The following DCAF16 variants were observed in gnomAD, a reference collection of about 807,000 sequenced individuals.
DCAF16 encodes DDB1- and CUL4-associated factor 16.
A neutral mutation model predicts 17.3 loss-of-function variants in DCAF16; 10 were observed. That is an observed-to-expected ratio of 0.58 (90% confidence interval 0.36 to 0.98). The LOEUF is 0.98. Ranked by LOEUF, DCAF16 falls within the 50% of genes least tolerant of loss-of-function variation. DCAF16 has a pLI of 0.01. For synonymous variants in DCAF16, 111 were observed against 92.8 expected (o/e 1.20, Z -1.12); for missense variants, 249 against 247.6 (o/e 1.01, Z -0.04).
chr4:17,809,081 G>T (rs1208435132), intron 1 of DCAF16, among the ~76,000 whole-genome samples: 2 of 152,032 alleles, frequency 1.3e-5, no homozygotes, highest in African/African-American at 2.4e-5. Context: ...AAAATTATGG[G>T]CAACACAAAT....
Position 17,804,532 on chromosome 4 carries a change from G to A in DCAF16, c.-391C>T, listed in dbSNP as rs960218783. The A allele has an allele frequency of 5.0e-6, 1 of 200,120 alleles. No homozygotes were observed. The highest frequency in any genetic ancestry group is 1.4e-4 in the East Asian group (1 of 6,940). 12.4% of individuals were successfully genotyped at this position (200,120 alleles called of 1,614,324 possible). On this transcript the variant is annotated 5_prime_UTR_variant, in exon 3 of 3. Transcript: ENST00000382247. ...GTGATACTGTGAAGAGACACTTTTT[G>A]TGCTGTTTTGCTGGCAGTGATATTA...
In DCAF16 at chr4:17,802,718, A is replaced by G. The variant is rs541014618; in HGVS notation, c.*773T>C. The G allele has an allele frequency of 4.7e-4, 72 of 152,256 alleles. No individual in the cohort carries two copies. Among genetic ancestry groups the G allele is most frequent in the African/African-American group, 1.7e-3 (70 of 41,558 alleles). The allele number at this position is 152,256 out of a possible 1,614,324, so 9.4% of individuals were successfully genotyped here. On this transcript the variant is annotated 3_prime_UTR_variant, in exon 3 of 3. Transcript: ENST00000382247. ...GGCACATCTATATAAAAGCTGGGAA[A>G]GAAATTCATAGCCCTGCCATTTTCC...
intron 1 of DCAF16, among the ~76,000 whole-genome samples, chr4:17,808,595 C>T (rs1720537757): frequency 6.6e-6 from 1 of 150,852 alleles, no homozygotes. Context: ...ATGGCTTTAA[C>T]CATTAAAACA....
At chr4:17,800,282 T>G (rs1318284386), downstream of DCAF16, among the ~76,000 whole-genome samples, 3 of 152,200 alleles carry the variant, frequency 2.0e-5, no homozygotes, top group Admixed American at 6.5e-5. Context: ...TCTTTTTATC[T>G]TAATTATGGT....
chr4:17,795,586 G>A, the DCAF16 span, among the ~76,000 whole-genome samples: 1 of 151,970 alleles, frequency 6.6e-6, no homozygotes, highest in East Asian at 1.9e-4. Flanking sequence ...ATTTCTTCAA[G>A]TTATTTTCTA....
downstream of DCAF16, among the ~76,000 whole-genome samples, chr4:17,796,551 C>G (rs969869311): frequency 6.6e-6 from 1 of 152,012 alleles, no homozygotes; most frequent in Admixed American, 6.6e-5. Flanking sequence ...TACTAAAATA[C>G]AAAAAATTAG....
chr4:17,799,571 G>A (rs1719596960), downstream of DCAF16, among the ~76,000 whole-genome samples: 1 of 152,174 alleles, frequency 6.6e-6, no homozygotes, highest in Non-Finnish European at 1.5e-5. Flanking sequence ...AAAGCCAGAT[G>A]CAAGCCAACT....
downstream of DCAF16, among the ~76,000 whole-genome samples, chr4:17,797,149 C>G (rs1375903494): frequency 2.6e-5 from 4 of 152,054 alleles, no homozygotes; most frequent in African/African-American, 9.7e-5. Flanking sequence ...ATTACTTAGA[C>G]ATAAGAAAAC....
rs1719729311 is a variant in DCAF16 at position 17,801,116 on chromosome 4, C to T, written c.*2375G>A. On this transcript the variant is annotated 3_prime_UTR_variant, in exon 3 of 3. Transcript: ENST00000382247. ...TCTTCTTAAAGTTGCTATATATTTA[C>T]ACAATTTGTGATTCCTAACCTTTTT... 1 of 151,952 alleles carries T rather than the reference C, an allele frequency of 6.6e-6. No homozygotes were observed. The highest frequency in any genetic ancestry group is 2.1e-4 in the South Asian group (1 of 4,818). 9.4% of individuals were successfully genotyped at this position (151,952 alleles called of 1,614,324 possible).
In DCAF16 at chr4:17,804,333, A is replaced by G. The variant is rs1050027065; in HGVS notation, c.-192T>C. ...GCCGTTCTTCAAGATTATGTTGTAT[A>G]TTCTTCACTTACAAAGAAGACATCT... On this transcript the variant is annotated 5_prime_UTR_variant, in exon 3 of 3. Transcript: ENST00000382247. 5 of 605,364 alleles carry G rather than the reference A, an allele frequency of 8.3e-6. No homozygotes were observed. The highest frequency in any genetic ancestry group is 1.2e-5 in the Non-Finnish European group (4 of 335,736). The allele number at this position is 605,364 out of a possible 1,614,324, so 37.5% of individuals were successfully genotyped here.
chr4:17,809,440 C>T (rs1181749493), intron 1 of DCAF16: 1 of 152,132 alleles, frequency 6.6e-6, no homozygotes, highest in East Asian at 1.9e-4. Flanking sequence ...TATCCTCATT[C>T]AGGGATTTAT....
downstream of DCAF16, among the ~76,000 whole-genome samples, chr4:17,798,122 G>C (rs549121263): frequency 4.3e-4 from 66 of 152,128 alleles, no homozygotes; most frequent in Non-Finnish European, 8.2e-4. Context: ...TTGTTATATA[G>C]AGCCTAACTC....
chr4:17,793,496 T>C, the DCAF16 span, among the ~76,000 whole-genome samples: 1 of 152,016 alleles, frequency 6.6e-6, no homozygotes, highest in Non-Finnish European at 1.5e-5. Flanking sequence ...GAAATAAATG[T>C]CAACAGGTAA....
At chr4:17,800,400 C>G (rs11930826), downstream of DCAF16, among the ~76,000 whole-genome samples, 825 of 152,224 alleles carry the variant, frequency 5.4e-3, 5 homozygotes, top group African/African-American at 0.019. Flanking sequence ...ATTTAGGTAC[C>G]TGTTATTTTG....
intron 1 of DCAF16, among the ~76,000 whole-genome samples, chr4:17,805,776 A>AT (rs1193171338): frequency 6.6e-6 from 1 of 152,202 alleles, no homozygotes; most frequent in African/African-American, 2.4e-5. Context: ...AGCCTGGGCA[A>AT]TATGGCAAGA....
At chr4:17,796,428 T>C (rs1719430790), downstream of DCAF16, among the ~76,000 whole-genome samples, 1 of 152,124 alleles carries the variant, frequency 6.6e-6, no homozygotes, top group African/African-American at 2.4e-5. Context: ...CACACACAGA[T>C]GGCCAGGTGC....
downstream of DCAF16, among the ~76,000 whole-genome samples, chr4:17,798,678 C>A (rs1469540233): frequency 6.6e-6 from 1 of 152,174 alleles, no homozygotes; most frequent in Non-Finnish European, 1.5e-5. Flanking sequence ...GGTCATAGCT[C>A]TCACAGAAGA....
chr4:17,807,499 C>G (rs151081110), intron 1 of DCAF16, among the ~76,000 whole-genome samples: 1 of 152,120 alleles, frequency 6.6e-6, no homozygotes, highest in Non-Finnish European at 1.5e-5. Context: ...AGTAACTGTT[C>G]GGAAGAACAG....
Position 17,803,681 on chromosome 4 carries a change from C to A in DCAF16, c.461G>T (p.Arg154Leu), listed in dbSNP as rs1310269852. Residue 154 changes from arginine (R) to leucine (L), a missense_variant, in exon 3 of 3, where the codon CGA (arginine) becomes CTA (leucine). Arg to Leu is a moderately radical substitution (Grantham distance 102). Transcript: ENST00000382247. ...TATGGGAGTGGCTCTACTCAATGTT[C>A]GGCTTAGCTGTTTGGTGGCAAATTG... ...ALQFATKQLSRTLSRATPIPE... is the reference protein window; with the variant it reads ...ALQFATKQLSLTLSRATPIPE... The A allele has an allele frequency of 6.2e-7, 1 of 1,614,130 alleles. No individual in the cohort carries two copies.
Sources: allele counts gnomAD v4.1 joint callset (sites outside exome capture counted in the v4.1 genomes callset), GRCh38; gene constraint gnomAD v4.1.1; transcripts MANE v1.5; gene names NCBI Gene and HGNC (gene_info 2026-07-23, HGNC 2026-07-21).